Variants in DNAH9 observed in about 807,000 individuals in gnomAD.
DNAH9 encodes the protein DNAH9 variant protein.
A neutral mutation model predicts 471.6 loss-of-function variants in DNAH9; 345 were observed. The ratio of observed to expected loss-of-function variants is 0.73; its 90% CI spans 0.67 to 0.80. The LOEUF is 0.80. DNAH9 is among the 30% of genes least tolerant of loss of function. The pLI, the probability that DNAH9 is intolerant of heterozygous loss-of-function variation, is 0.00. For missense variants in DNAH9, 5,407 were observed against 5,609.2 expected (o/e 0.96, Z 1.15); for synonymous variants, 2,093 against 2,123.6 (o/e 0.99, Z 0.40).
intron 53 of DNAH9, among the ~76,000 whole-genome samples, chr17:11,876,989 G>A (rs1487231502): frequency 6.6e-6 from 1 of 151,838 alleles, no homozygotes; most frequent in Non-Finnish European, 1.5e-5. Context: ...GCCTCCCAAA[G>A]TGCTGGGAGT....
chr17:11,645,311 C>G (rs1597426967), intron 11 of DNAH9, among the ~76,000 whole-genome samples: 1 of 152,314 alleles, frequency 6.6e-6, no homozygotes, highest in African/African-American at 2.4e-5. Flanking sequence ...AGCACCTCTA[C>G]CTGGCAAGTA....
intron 14 of DNAH9, among the ~76,000 whole-genome samples, chr17:11,660,577 C>T (rs1184444338): frequency 1.3e-5 from 2 of 152,126 alleles, no homozygotes; most frequent in African/African-American, 2.4e-5. Flanking sequence ...CCTGCCTTGA[C>T]CTCTCAAACT....
rs138369440 is a variant in DNAH9 at position 11,847,534 on chromosome 17, A to G, written c.9508-6469A>G. ...CAAATGGGTGTGGGTGTGTGGCCTT[A>G]TATTTCTGGGTTCTCTATTCTGTTC... On this transcript the variant is annotated intron_variant, in intron 49 of 68. Coordinates refer to ENST00000262442, the MANE Select transcript of DNAH9 (RefSeq NM_001372.4). 8.9e-4 allele frequency among the ~76,000 whole-genome samples: 136 copies of G among 152,142 alleles called. 3 individuals carry two copies. The East Asian group carries it at 0.026, about 29-fold the overall frequency.
At chr17:11,838,042 A>G (rs1567838106) in intron 49 of DNAH9, among the ~76,000 whole-genome samples, 1 of 152,248 alleles carries the variant, frequency 6.6e-6, no homozygotes, top group Non-Finnish European at 1.5e-5. Flanking sequence ...ACAAGAAAGA[A>G]ATTAATCCAA....
At position 11,896,905 on chromosome 17, in the gene DNAH9, A is replaced by G. The variant is rs568537781; in HGVS notation, c.11406+2409A>G. 5.6e-4 allele frequency among the ~76,000 whole-genome samples: 86 copies of G among 152,350 alleles called. 1 individual carries two copies. Among genetic ancestry groups the G allele is most frequent in the Middle Eastern group, 6.8e-3 (2 of 294 alleles). The stretch of plus-strand genomic sequence containing the variant: ...CAGGAGTTCAAGACCAGCCTGGCCA[A>G]CATGGTGAAACCCCGTCTCAACTAA... On this transcript the variant is annotated intron_variant, in intron 59 of 68. Transcript: ENST00000262442.
chr17:11,763,374 G>A, intron 35 of DNAH9, 66 bp from the exon 36 acceptor site: 1 of 1,456,370 alleles, frequency 6.9e-7, no homozygotes, highest in Non-Finnish European at 9.5e-7. Flanking sequence ...TTCCATAGCT[G>A]TCCAACAGCA....
At chr17:11,834,602 A>T (rs1437462009) in intron 48 of DNAH9, 36 bp from the exon 49 acceptor site, 3 of 1,611,196 alleles carry the variant, frequency 1.9e-6, no homozygotes, top group Middle Eastern at 1.7e-4. Context: ...CCCTCCAGTC[A>T]CAACTCCTGA....
rs898186163 is a variant in DNAH9, at chr17:11,797,047, A to G, written c.8224-550A>G. 3.9e-5 allele frequency among the ~76,000 whole-genome samples: 6 copies of G among 152,194 alleles called. No individual in the cohort carries two copies. In the South Asian group the frequency reaches 6.2e-4, roughly 16 times the overall value. ...CCATAAATGCGTTAAGATTACCATA[A>G]ATAAACCAGTCACCTGAGGGTGGCT... On this transcript the variant is annotated intron_variant, in intron 42 of 68. Coordinates refer to ENST00000262442, the MANE Select transcript of DNAH9 (RefSeq NM_001372.4).
intron 49 of DNAH9, among the ~76,000 whole-genome samples, chr17:11,843,863 GTATA>G (rs61067153): frequency 0.13 from 6,171 of 46,610 alleles, 588 homozygotes; most frequent in East Asian, 0.55. Flanking sequence ...GTGTGTGTGT[GTATA>G]TATATATATA....
intron 14 of DNAH9, among the ~76,000 whole-genome samples, chr17:11,654,539 G>GA (rs1042195702): frequency 1.3e-5 from 2 of 151,530 alleles, no homozygotes; most frequent in African/African-American, 4.9e-5. Context: ...CAGTGACCTA[G>GA]AAAAAAGTAC....
At chr17:11,658,580 CCAATTATATGGAGACA>C (rs1014914531) in intron 14 of DNAH9, among the ~76,000 whole-genome samples, 1 of 151,924 alleles carries the variant, frequency 6.6e-6, no homozygotes, top group Non-Finnish European at 1.5e-5. Context: ...CGCCTCATTT[CCAATTATATGGAGACA>C]CATTTGGTAA....
chr17:11,805,701 C>T (rs1159653807), intron 43 of DNAH9, among the ~76,000 whole-genome samples: 1 of 151,680 alleles, frequency 6.6e-6, no homozygotes, highest in African/African-American at 2.4e-5. Flanking sequence ...ATTACAAGCA[C>T]TCACCACCAT....
intron 61 of DNAH9, among the ~76,000 whole-genome samples, chr17:11,912,704 C>A (rs1397443603): frequency 6.6e-6 from 1 of 152,104 alleles, no homozygotes; most frequent in Non-Finnish European, 1.5e-5. Context: ...TTACTGGACT[C>A]AATTTGCTAA....
At chr17:11,701,571 C>G (rs2074595768) in intron 24 of DNAH9, among the ~76,000 whole-genome samples, 1 of 152,228 alleles carries the variant, frequency 6.6e-6, no homozygotes, top group African/African-American at 2.4e-5. Context: ...CAGGACACAC[C>G]AGTAGGGAAC....
At chr17:11,935,767 G>A (rs552714736) in intron 65 of DNAH9, among the ~76,000 whole-genome samples, 1 of 150,042 alleles carries the variant, frequency 6.7e-6, no homozygotes, top group East Asian at 1.9e-4. Context: ...ATTGATCACA[G>A]GAATATTAAC....
intron 36 of DNAH9, among the ~76,000 whole-genome samples, chr17:11,767,764 G>GT (rs1968020895): frequency 6.6e-6 from 1 of 152,024 alleles, no homozygotes; most frequent in Non-Finnish European, 1.5e-5. Flanking sequence ...AGCCCCATGC[G>GT]TAAGGGGCCC....
intron 53 of DNAH9, among the ~76,000 whole-genome samples, chr17:11,877,832 T>G (rs1162475092): frequency 6.6e-6 from 1 of 152,174 alleles, no homozygotes; most frequent in Non-Finnish European, 1.5e-5. Context: ...CCTCCTGGGT[T>G]GAAGCTATTC....
Position 11,810,231 on chromosome 17 carries a change from T to C in DNAH9, c.8584-15T>C, listed in dbSNP as rs1015691199. The stretch of plus-strand genomic sequence containing the variant: ...CCTTCTTTTCAGAGATTTCTGATAT[T>C]GACCATTCCTACAGATGGACCTGGC... On this transcript the variant is annotated splice_polypyrimidine_tract_variant and intron_variant, in intron 44 of 68. Transcript: ENST00000262442. The C allele has an allele frequency of 6.2e-7, 1 of 1,602,898 alleles. No homozygotes were observed. The highest frequency in any genetic ancestry group is 8.5e-7 in the Non-Finnish European group (1 of 1,176,170).
At chr17:11,783,815 A>G in intron 40 of DNAH9, 67 bp downstream of exon 40, 1 of 1,338,014 alleles carries the variant, frequency 7.5e-7, no homozygotes, top group Non-Finnish European at 1.1e-6. Context: ...CCTTGATTAT[A>G]AGTATAATAA....
Sources: allele counts gnomAD v4.1 joint callset (sites outside exome capture counted in the v4.1 genomes callset), GRCh38; gene constraint gnomAD v4.1.1; transcripts MANE v1.5; gene names NCBI Gene and HGNC (gene_info 2026-07-23, HGNC 2026-07-21).